Variants in SLC6A16 observed in about 807,000 individuals in gnomAD.
SLC6A16 encodes solute carrier family 6 member 16, also known as orphan sodium- and chloride-dependent neurotransmitter transporter NTT5.
In SLC6A16, 54 loss-of-function variants were observed where a neutral mutation model predicts 65.4. The observed-to-expected ratio is 0.83, with a 90% CI of 0.66 to 1.04. SLC6A16 has a LOEUF of 1.04. Among genes scored for constraint, SLC6A16 ranks in the 50% least tolerant of loss-of-function variants. The pLI is 0.00. For synonymous variants in SLC6A16, 330 were observed against 346.5 expected, an observed-to-expected ratio of 0.95 and a Z score of 0.53; for missense variants, 816 against 914.0, an observed-to-expected ratio of 0.89 and a Z score of 1.38.
At chr19:49,308,709 G>A (rs1970443234) in intron 7 of SLC6A16, 167 bp downstream of exon 7, 1 of 741,144 alleles carries the variant, frequency 1.3e-6, no homozygotes, top group Admixed American at 2.3e-5. Flanking sequence ...ATATATGATA[G>A]GAGATTCTAT....
At chr19:49,302,456 C>G (rs1262732760) in intron 7 of SLC6A16, among the ~76,000 whole-genome samples, 5 of 152,180 alleles carry the variant, frequency 3.3e-5, no homozygotes, top group Non-Finnish European at 7.4e-5. Context: ...CACGCACCCC[C>G]ACCCACAGTT....
At chr19:49,304,980 T>C (rs1050887484) in intron 7 of SLC6A16, among the ~76,000 whole-genome samples, 1 of 152,184 alleles carries the variant, frequency 6.6e-6, no homozygotes, top group Non-Finnish European at 1.5e-5. Flanking sequence ...ATCTGTGAAG[T>C]TGTAGATATA....
At chr19:49,330,933 CAAAAAAAAAACACA>C in the SLC6A16 span, among the ~76,000 whole-genome samples, 84 of 108,840 alleles carry the variant, frequency 7.7e-4, 1 homozygote, top group Admixed American at 8.0e-3. Context: ...TAGAGTGAGA[CAAAAAAAAAACACA>C]AAAAAAAAAA....
In SLC6A16 at chr19:49,310,386, G is replaced by A. The variant is rs780647190; in HGVS notation, c.540C>T (p.Pro180=). The A allele has an allele frequency of 6.2e-7, 1 of 1,614,076 alleles. No individual in the cohort carries two copies. The highest frequency in any genetic ancestry group is 1.1e-5 in the South Asian group (1 of 91,066). ...TAGAATACCCCACACCACCAATCCA[G>A]GGGGCAATGATCTTCCATACACCCA... ...GGMGVWKIIA[P]WIGGVGYSSF... The change falls in exon 3 of 12, where the codon CCC becomes CCT. Residue 180 remains proline (P), a synonymous_variant. Transcript: ENST00000335875.
chr19:49,295,316 G>T (rs1970164980), intron 7 of SLC6A16, among the ~76,000 whole-genome samples: 1 of 151,950 alleles, frequency 6.6e-6, no homozygotes, highest in South Asian at 2.1e-4. Context: ...GGAGGCAGAG[G>T]TTGCAGTGAG....
At chr19:49,293,189 C>G (rs763987607) in intron 10 of SLC6A16, 34 bp downstream of exon 10, 1 of 1,611,976 alleles carries the variant, frequency 6.2e-7, no homozygotes, top group Non-Finnish European at 8.5e-7. Context: ...CCTATAGTCC[C>G]ATGCTTTGTG....
intron 1 of SLC6A16, among the ~76,000 whole-genome samples, chr19:49,311,753 G>A (rs1970527218): frequency 6.6e-6 from 1 of 151,124 alleles, no homozygotes; most frequent in African/African-American, 2.4e-5. Flanking sequence ...GGAGGCTGAG[G>A]CAGGAGAATC....
the SLC6A16 span, chr19:49,338,346 C>G: frequency 1.6e-6 from 1 of 626,756 alleles, no homozygotes; most frequent in Non-Finnish European, 2.7e-6. This position sits in a 1 kb window ranked among gnomAD's most constrained non-coding sequence, Gnocchi z 5.0. Flanking sequence ...CGTAGTGACT[C>G]TGGCTTCCAC....
intron 1 of SLC6A16, among the ~76,000 whole-genome samples, chr19:49,316,232 C>T (rs1336154086): frequency 1.3e-5 from 2 of 151,974 alleles, no homozygotes; most frequent in South Asian, 4.1e-4. Flanking sequence ...GCAATAACAG[C>T]AACATTGTTT....
At position 49,294,550 on chromosome 19, in the gene SLC6A16, AT is replaced by A. The variant is rs746554666; in HGVS notation, c.1232del (p.Asn411MetfsTer6). ...TVITHRCCER[N>X]AEILLKLINL... ...TTATCAGCTTTAAAAGTATTTCAGC[AT>A]TCCTGGGGATAGAGGGTTGAATCAA... On this transcript the variant is annotated frameshift_variant and splice_region_variant, in exon 8 of 12. Transcript: ENST00000335875. LOFTEE classifies it high-confidence loss of function. 1 of 1,602,038 alleles carries A rather than the reference AT, an allele frequency of 6.2e-7. No homozygotes were observed. The highest frequency in any genetic ancestry group is 8.5e-7 in the Non-Finnish European group (1 of 1,174,314).
intron 7 of SLC6A16, among the ~76,000 whole-genome samples, chr19:49,301,690 G>GTGCC (rs1278547799): frequency 6.6e-6 from 1 of 152,110 alleles, no homozygotes; most frequent in African/African-American, 2.4e-5. Context: ...CAGTCTCCAG[G>GTGCC]TGCCTGGCCC....
At chr19:49,314,008 A>G (rs182451614) in intron 1 of SLC6A16, among the ~76,000 whole-genome samples, 6 of 152,194 alleles carry the variant, frequency 3.9e-5, no homozygotes, top group African/African-American at 1.4e-4. Flanking sequence ...AAGCAGGAGA[A>G]TGGCGTGAAC....
intron 6 of SLC6A16, 78 bp downstream of exon 6, chr19:49,309,223 T>G: frequency 6.3e-7 from 1 of 1,577,548 alleles, no homozygotes; most frequent in South Asian, 1.1e-5. Context: ...AAGTAAAGAA[T>G]GGGGAAAGGA....
At chr19:49,336,550 T>C in the SLC6A16 span, 1 of 201,466 alleles carries the variant, frequency 5.0e-6, no homozygotes, top group East Asian at 1.3e-4. Context: ...AGAGCGAGGC[T>C]CCAACTCAAA....
rs1039150121 is a variant in SLC6A16 at position 49,309,892 on chromosome 19, C to T, written c.701-66G>A. 3 of 1,560,576 alleles carry T rather than the reference C, an allele frequency of 1.9e-6. No individual in the cohort carries two copies. In the African/African-American group the frequency reaches 4.1e-5, roughly 21 times the overall value. ...ACCCCCTCTTCTTCCTTATCCCCTC[C>T]CCCACCTCCCTTTTCTCTTTCCCTC... On this transcript the variant is annotated intron_variant, in intron 4 of 11. Transcript: ENST00000335875.
chr19:49,337,191 G>A, the SLC6A16 span: 4 of 1,614,044 alleles, frequency 2.5e-6, no homozygotes, highest in East Asian at 6.7e-5. Flanking sequence ...AGATCACCCT[G>A]GGAATCCTCA....
chr19:49,338,600 C>A, the SLC6A16 span: 1 of 854,630 alleles, frequency 1.2e-6, no homozygotes, highest in South Asian at 1.5e-5. The surrounding 1 kb of genome is among the most constrained non-coding windows in gnomAD (Gnocchi z 5.0). Flanking sequence ...CACTTAGTCC[C>A]CTGCTCCCCG....
the SLC6A16 span, chr19:49,338,319 GAC>G: frequency 1.4e-6 from 1 of 736,596 alleles, no homozygotes; most frequent in Non-Finnish European, 2.1e-6. This position sits in a 1 kb window ranked among gnomAD's most constrained non-coding sequence, Gnocchi z 5.0. Context: ...ACCCTAGCGA[GAC>G]ACGGCTTCCT....
At chr19:49,296,884 G>A (rs1970196777) in intron 7 of SLC6A16, among the ~76,000 whole-genome samples, 1 of 152,184 alleles carries the variant, frequency 6.6e-6, no homozygotes, top group Admixed American at 6.5e-5. Context: ...AGCTACTTGG[G>A]AGACTGAGAC....
Sources: allele counts gnomAD v4.1 joint callset (sites outside exome capture counted in the v4.1 genomes callset), GRCh38; gene constraint gnomAD v4.1.1; non-coding constraint Gnocchi (gnomAD v3.1); transcripts MANE v1.5; gene names NCBI Gene and HGNC (gene_info 2026-07-23, HGNC 2026-07-21).